The following TCF4 variants were observed in gnomAD, a reference collection of about 807,000 sequenced individuals.
TCF4 encodes SL3-3 enhancer factor 2.
TCF4 carries 3 observed loss-of-function variants against 82.1 expected under a neutral mutation model. The observed-to-expected ratio is 0.04, with a 90% confidence interval of 0.02 to 0.09. The LOEUF is 0.09. Among genes scored for constraint, TCF4 ranks in the 10% least tolerant of loss-of-function variants. The probability of loss-of-function intolerance (pLI) is 1.00; values close to 1 mark genes in which losing one functional copy is unlikely to be tolerated. For synonymous variants in TCF4, 276 were observed against 309.6 expected (o/e 0.89, Z 1.14); for missense variants, 518 against 852.7 (o/e 0.61, Z 4.89).
At chr18:55,349,325 G>A (rs904728336) in intron 8 of TCF4, among the ~76,000 whole-genome samples, 2 of 152,008 alleles carry the variant, frequency 1.3e-5, no homozygotes, top group African/African-American at 4.8e-5. Context: ...AAATACACAG[G>A]TGTTTGGGTT....
At chr18:55,453,783 C>T (rs1157312200) in intron 5 of TCF4, among the ~76,000 whole-genome samples, 1 of 150,576 alleles carries the variant, frequency 6.6e-6, no homozygotes, top group Non-Finnish European at 1.5e-5. Context: ...TTTTCAATGG[C>T]CTTTCAAATT....
At chr18:55,427,534 A>T (rs952554479) in intron 5 of TCF4, among the ~76,000 whole-genome samples, 6 of 152,208 alleles carry the variant, frequency 3.9e-5, no homozygotes, top group Non-Finnish European at 1.5e-5. Context: ...CCTGTTTCCA[A>T]TGAACTGAGA....
intron 16 of TCF4, among the ~76,000 whole-genome samples, chr18:55,233,575 G>A (rs1212817469): frequency 6.6e-6 from 1 of 152,150 alleles, no homozygotes; most frequent in African/African-American, 2.4e-5. Context: ...CAGCACTTCG[G>A]GAGGCTGAGG....
rs140569506 is a variant in TCF4, at chr18:55,489,982, C to T, written c.146-25845G>A. ...ACACAGTGCCAGCTCCTTCTCCACA[C>T]GCACCAAAATACATGCGGATACTTT... On this transcript the variant is annotated intron_variant, in intron 3 of 19. Coordinates refer to ENST00000354452, the MANE Select transcript of TCF4 (RefSeq NM_001083962.2). 1.5e-3 allele frequency among the ~76,000 whole-genome samples: 222 copies of T among 152,286 alleles called. 2 individuals carry two copies. Among genetic ancestry groups the T allele is most frequent in the African/African-American group, 4.9e-3 (203 of 41,548 alleles).
intron 3 of TCF4, among the ~76,000 whole-genome samples, chr18:55,581,057 G>A (rs759286157): frequency 4.6e-5 from 7 of 151,902 alleles, no homozygotes; most frequent in Non-Finnish European, 1.0e-4. Context: ...TCACAGGGAA[G>A]ACCAGGCAAA....
At chr18:55,471,785 A>C (rs528830564) in intron 3 of TCF4, among the ~76,000 whole-genome samples, 1 of 151,794 alleles carries the variant, frequency 6.6e-6, no homozygotes, top group South Asian at 2.1e-4. Flanking sequence ...AAAAAAAGAT[A>C]AGTCAAATAT....
At chr18:55,275,252 T>C (rs1272658216) in intron 10 of TCF4, among the ~76,000 whole-genome samples, 1 of 124,014 alleles carries the variant, frequency 8.1e-6, no homozygotes, top group Non-Finnish European at 1.6e-5. Flanking sequence ...CCCTCTGCAG[T>C]ACATCTTTTG....
intron 6 of TCF4, among the ~76,000 whole-genome samples, chr18:55,392,366 C>T (rs1404986285): frequency 6.6e-6 from 1 of 151,498 alleles, no homozygotes; most frequent in Non-Finnish European, 1.5e-5. Flanking sequence ...TACCTACAGT[C>T]CCAACTACTC....
chr18:55,585,235 C>T (rs960067376), intron 3 of TCF4, 45 bp downstream of exon 3: 2 of 1,554,896 alleles, frequency 1.3e-6, no homozygotes, highest in East Asian at 2.2e-5. Flanking sequence ...AGTAAATAAA[C>T]AGCCCAGAAC....
chr18:55,563,859 T>G (rs2097376577), intron 3 of TCF4, among the ~76,000 whole-genome samples: 1 of 152,248 alleles, frequency 6.6e-6, no homozygotes, highest in Admixed American at 6.5e-5. Flanking sequence ...TCAGAAATTT[T>G]TATGACCTTG....
chr18:55,348,235 TA>T (rs1397038913), intron 8 of TCF4, among the ~76,000 whole-genome samples: 2 of 152,194 alleles, frequency 1.3e-5, no homozygotes, highest in Non-Finnish European at 1.5e-5. Context: ...TTTTTTTAGG[TA>T]ATGAGTAAAT....
intron 6 of TCF4, chr18:55,352,012 T>C (rs1162611597): frequency 3.2e-6 from 2 of 632,064 alleles, no homozygotes; most frequent in Non-Finnish European, 3.9e-6. Context: ...CTTGATAAAG[T>C]ACAGAATGTG....
At chr18:55,411,219 C>G (rs2094332194) in intron 5 of TCF4, among the ~76,000 whole-genome samples, 1 of 152,070 alleles carries the variant, frequency 6.6e-6, no homozygotes, top group Admixed American at 6.5e-5. Flanking sequence ...ACAAGGGTCC[C>G]CTAGAGACCT....
chr18:55,431,412 T>C, intron 5 of TCF4, among the ~76,000 whole-genome samples: 1 of 152,162 alleles, frequency 6.6e-6, no homozygotes, highest in South Asian at 2.1e-4. Flanking sequence ...CCCGAGTAGC[T>C]GGGATTACAG....
At chr18:55,415,579 T>C (rs1006956651) in intron 5 of TCF4, among the ~76,000 whole-genome samples, 1 of 152,150 alleles carries the variant, frequency 6.6e-6, no homozygotes, top group African/African-American at 2.4e-5. Flanking sequence ...AGCCGATGAG[T>C]GGCATTGATA....
At chr18:55,293,674 G>A (rs575408749) in intron 8 of TCF4, among the ~76,000 whole-genome samples, 7 of 152,236 alleles carry the variant, frequency 4.6e-5, no homozygotes, top group Admixed American at 1.3e-4. Flanking sequence ...AATAGTAGGG[G>A]CCCTAAGGTA....
At chr18:55,349,281 T>C (rs942728481) in intron 8 of TCF4, among the ~76,000 whole-genome samples, 1 of 152,142 alleles carries the variant, frequency 6.6e-6, no homozygotes, top group Non-Finnish European at 1.5e-5. Context: ...ATTCATTTAA[T>C]AATTGTTTGG....
In TCF4 at chr18:55,224,756, A is replaced by G. The variant is rs1335001013; in HGVS notation, c.*3279T>C. On this transcript the variant is annotated 3_prime_UTR_variant, in exon 20 of 20. Coordinates refer to ENST00000354452, the MANE Select transcript of TCF4 (RefSeq NM_001083962.2). Reference sequence around the variant, plus strand: ...TTGTATAAACATTAGTGTTCCTTGCAGCTACACAGAAGACAAATGGTAAAA... The same window carrying G: ...TTGTATAAACATTAGTGTTCCTTGCGGCTACACAGAAGACAAATGGTAAAA... The G allele has an allele frequency of 6.6e-6, 1 of 152,648 alleles. No individual in the cohort carries two copies. The highest frequency in any genetic ancestry group is 1.5e-5 in the Non-Finnish European group (1 of 68,028). 9.5% of individuals were successfully genotyped at this position (152,648 alleles called of 1,614,324 possible).
intron 2 of TCF4, among the ~76,000 whole-genome samples, chr18:55,594,566 T>A (rs1368154309): frequency 1.3e-5 from 2 of 152,202 alleles, no homozygotes; most frequent in Non-Finnish European, 1.5e-5. Context: ...CAGTTTTTCT[T>A]GGGGTTTCAT....
Sources: gnomAD v4.1 joint callset for allele counts (sites outside exome capture counted in the v4.1 genomes callset) on GRCh38, gnomAD v4.1.1 for gene constraint, MANE v1.5 for transcripts, NCBI Gene and HGNC (gene_info 2026-07-23, HGNC 2026-07-21) for gene names.